Variants in TUBGCP3 observed in about 807,000 individuals in gnomAD.
The protein encoded by TUBGCP3 is tubulin gamma complex component 3, also known as gamma-tubulin complex component 3.
Under a neutral mutation model 123.1 loss-of-function variants are expected in TUBGCP3, and 50 were observed. The observed-to-expected ratio is 0.41, with a 90% CI of 0.32 to 0.51. TUBGCP3 has a LOEUF of 0.51. Among genes scored for constraint, TUBGCP3 ranks in the 20% least tolerant of loss-of-function variants. TUBGCP3 has a pLI of 0.36. For missense variants in TUBGCP3, 882 were observed against 1,127.0 expected (o/e 0.78, Z 3.11); for synonymous variants, 405 against 413.9 (o/e 0.98, Z 0.26).
In TUBGCP3 at chr13:112,554,053, G is replaced by C; in HGVS notation, c.966+4C>G. 6.2e-7 allele frequency: 1 copy of C among 1,608,858 alleles called. No homozygotes were observed. Among genetic ancestry groups the C allele is most frequent in the Non-Finnish European group, 8.5e-7 (1 of 1,178,654 alleles). The stretch of plus-strand genomic sequence containing the variant: ...TCCCAGCATCCTAGGAACCATGAAC[G>C]CACCTGCCCGACGAGTCCGAATGAG... On this transcript the variant is annotated splice_donor_region_variant and intron_variant, in intron 8 of 21. Transcript: ENST00000261965.
upstream of TUBGCP3, among the ~76,000 whole-genome samples, chr13:112,589,866 A>C (rs1170113466): frequency 6.6e-6 from 1 of 152,240 alleles, no homozygotes; most frequent in Non-Finnish European, 1.5e-5. Context: ...AAATTAGCTC[A>C]ATCTAAATCT....
At chr13:112,529,660 T>C (rs1015408900) in intron 11 of TUBGCP3, among the ~76,000 whole-genome samples, 1 of 152,060 alleles carries the variant, frequency 6.6e-6, no homozygotes, top group African/African-American at 2.4e-5. Flanking sequence ...TCCCAATACC[T>C]AGAATCAGCC....
chr13:112,589,277 C>A (rs1042535003), upstream of TUBGCP3, among the ~76,000 whole-genome samples: 23 of 152,236 alleles, frequency 1.5e-4, no homozygotes, highest in Non-Finnish European at 7.3e-5. Flanking sequence ...CCCTCTCCCC[C>A]ACCTTCAGCT....
chr13:112,519,416 A>T lies in TUBGCP3; in HGVS notation c.1882-373T>A, dbSNP rs1876427462. ...GTTCTGCTAATGATCTTCCATCACA[A>T]CTAAGTAAATAGTGGGTTTATGTTC... is the stretch of plus-strand genomic sequence containing the variant. On this transcript the variant is annotated intron_variant, in intron 15 of 21. Transcript: ENST00000261965. The surrounding 1 kb of genome is among the most constrained non-coding windows in gnomAD (Gnocchi z 6.2). Among the ~76,000 whole-genome samples the T allele has an allele frequency of 6.6e-6, 1 of 152,230 alleles. No individual in the cohort carries two copies. Among genetic ancestry groups the T allele is most frequent in the Non-Finnish European group, 1.5e-5 (1 of 68,038 alleles).
intron 1 of TUBGCP3, among the ~76,000 whole-genome samples, chr13:112,575,488 A>G (rs2139300344): frequency 6.6e-6 from 1 of 152,358 alleles, no homozygotes; most frequent in Non-Finnish European, 1.5e-5. Context: ...AAGGAAAAAC[A>G]GACATTCACA....
At chr13:112,504,563 T>TATAC (rs1167837944) in intron 18 of TUBGCP3, 63 bp downstream of exon 18, 9 of 1,069,702 alleles carry the variant, frequency 8.4e-6, no homozygotes, top group African/African-American at 6.6e-5. Context: ...TATATATATA[T>TATAC]ACCATGTAAA....
chr13:112,560,197 G>A (rs1486906164), intron 3 of TUBGCP3, among the ~76,000 whole-genome samples: 2 of 150,918 alleles, frequency 1.3e-5, no homozygotes, highest in East Asian at 2.0e-4. Flanking sequence ...TTGGGAGGCC[G>A]AGGCGGGCGG....
At chr13:112,492,777 C>T (rs908237890) in intron 20 of TUBGCP3, among the ~76,000 whole-genome samples, 1 of 151,780 alleles carries the variant, frequency 6.6e-6, no homozygotes, top group African/African-American at 2.4e-5. Context: ...CCCTGAGACG[C>T]TCTAGCTATG....
intron 3 of TUBGCP3, among the ~76,000 whole-genome samples, chr13:112,559,760 T>C (rs547763914): frequency 6.6e-6 from 1 of 152,158 alleles, no homozygotes; most frequent in Non-Finnish European, 1.5e-5. Context: ...TAAAAATATG[T>C]GAATTATTTT....
chr13:112,556,357 T>G (rs774847893), intron 5 of TUBGCP3, 133 bp from the exon 6 acceptor site: 21 of 881,606 alleles, frequency 2.4e-5, no homozygotes, highest in Non-Finnish European at 3.6e-5. Context: ...ATACCATGAC[T>G]TTACCCTAAC....
intron 8 of TUBGCP3, 30 bp from the exon 9 acceptor site, chr13:112,548,206 C>A (rs112395802): frequency 1.9e-6 from 3 of 1,554,022 alleles, no homozygotes; most frequent in African/African-American, 1.4e-5. Flanking sequence ...AATTAAAGCA[C>A]GACACACTCA....
rs1205953470 is a variant in TUBGCP3 at position 112,524,172 on chromosome 13, C to T, written c.1556-1663G>A. The stretch of plus-strand genomic sequence containing the variant: ...GCAATATTTGCACCTAACCTACACA[C>T]ATCTTCCCATATACGGTAAATCATC... On this transcript the variant is annotated intron_variant, in intron 13 of 21. Transcript: ENST00000261965. This position sits in a 1 kb window ranked among gnomAD's most constrained non-coding sequence, Gnocchi z 4.4. Among the ~76,000 whole-genome samples, 8 of 152,234 alleles carry T rather than the reference C, an allele frequency of 5.3e-5. No individual in the cohort carries two copies. Among genetic ancestry groups the T allele is most frequent in the Non-Finnish European group, 8.8e-5 (6 of 68,044 alleles).
chr13:112,561,818 A>G (rs1010108461), intron 3 of TUBGCP3, among the ~76,000 whole-genome samples: 2 of 152,222 alleles, frequency 1.3e-5, no homozygotes, highest in Admixed American at 1.3e-4. Context: ...CTCAGATTAT[A>G]TTTTAGCAAA....
intron 11 of TUBGCP3, among the ~76,000 whole-genome samples, chr13:112,542,018 T>C (rs1878562083): frequency 6.6e-6 from 1 of 152,234 alleles, no homozygotes; most frequent in African/African-American, 2.4e-5. Context: ...GATAAGAAGA[T>C]ACACCTCAAA....
chr13:112,547,673 T>G lies in TUBGCP3; in HGVS notation c.1115A>C (p.Tyr372Ser). 1 of 1,587,230 alleles carries G rather than the reference T, an allele frequency of 6.3e-7. No individual in the cohort carries two copies. The highest frequency in any genetic ancestry group is 1.1e-5 in the South Asian group (1 of 87,972). The change falls in exon 10 of 22, where the codon TAT (tyrosine) becomes TCT (serine). Residue 372 changes from tyrosine (Y) to serine (S), a missense_variant. Physicochemically the swap from Tyr to Ser is moderately radical, Grantham distance 144. Around this residue, in one of 3 missense-constraint regions of TUBGCP3, gnomAD observed 713 missense variants for 874.0 expected, o/e 0.82. Transcript: ENST00000261965. The stretch of plus-strand genomic sequence containing the variant: ...GGTCTTCAGTCGTATTTTGGGATCA[T>G]AGGTCCAAACCAGGAGGCGCCGAAG... Reference protein sequence around the residue: ...LTLRRLLVWTYDPKIRLKTLA... With the variant: ...LTLRRLLVWTSDPKIRLKTLA...
intron 20 of TUBGCP3, 122 bp downstream of exon 20, chr13:112,498,923 A>G (rs1880702852): frequency 6.2e-7 from 1 of 1,613,888 alleles, no homozygotes; most frequent in African/African-American, 1.3e-5. Context: ...AACGCAGTAT[A>G]GGCACATCTC....
intron 19 of TUBGCP3, among the ~76,000 whole-genome samples, chr13:112,502,751 T>C (rs557299051): frequency 6.6e-6 from 1 of 152,040 alleles, no homozygotes; most frequent in South Asian, 2.1e-4. Context: ...TTCACAGTCT[T>C]ACCCAGGATG....
intron 3 of TUBGCP3, among the ~76,000 whole-genome samples, chr13:112,560,135 A>C (rs1287599770): frequency 3.4e-5 from 5 of 148,860 alleles, no homozygotes; most frequent in African/African-American, 1.3e-4. Flanking sequence ...TCCGTCTCAA[A>C]AAAAAAAAAA....
At chr13:112,528,839 T>G (rs2139098252) in intron 11 of TUBGCP3, among the ~76,000 whole-genome samples, 1 of 152,268 alleles carries the variant, frequency 6.6e-6, no homozygotes, top group Middle Eastern at 3.4e-3. Flanking sequence ...TGAGTTATTT[T>G]TATTACCTAG....
Sources: allele counts gnomAD v4.1 joint callset (sites outside exome capture counted in the v4.1 genomes callset), GRCh38; gene constraint gnomAD v4.1.1; regional missense constraint gnomAD v4.1.1; non-coding constraint Gnocchi (gnomAD v3.1); transcripts MANE v1.5; gene names NCBI Gene and HGNC (gene_info 2026-07-23, HGNC 2026-07-21).